The following TYW1 variants were observed in gnomAD, a reference collection of about 807,000 sequenced individuals.
The protein encoded by TYW1 is S-adenosyl-L-methionine-dependent tRNA 4-demethylwyosine synthase TYW1.
TYW1 carries 46 observed loss-of-function variants against 96.2 expected under a neutral mutation model. The observed-to-expected ratio is 0.48, with a 90% CI of 0.38 to 0.61. The LOEUF is 0.61. TYW1 is among the 20% of genes least tolerant of loss of function. TYW1 has a pLI of 0.00. For missense variants in TYW1, 684 were observed against 909.6 expected, an observed-to-expected ratio of 0.75 and a Z score of 3.19; for synonymous variants, 274 against 323.0, an observed-to-expected ratio of 0.85 and a Z score of 1.63.
At chr7:67,005,722 C>A (rs1158460442) in intron 3 of TYW1, among the ~76,000 whole-genome samples, 2 of 152,212 alleles carry the variant, frequency 1.3e-5, no homozygotes, top group Non-Finnish European at 2.9e-5. Flanking sequence ...AACTCAGCAA[C>A]CTCAGTGACT....
intron 9 of TYW1, among the ~76,000 whole-genome samples, chr7:67,065,640 CT>C (rs74272581): frequency 0.074 from 10,570 of 143,444 alleles, 681 homozygotes; most frequent in East Asian, 0.17. Context: ...GACAGGGAAA[CT>C]TTTTTTTTTT....
chr7:67,005,196 A>G (rs999528282), intron 3 of TYW1, among the ~76,000 whole-genome samples: 4 of 151,752 alleles, frequency 2.6e-5, no homozygotes, highest in African/African-American at 9.7e-5. Flanking sequence ...TGCCTTTAAC[A>G]TTTTTTCTTT....
intron 7 of TYW1, among the ~76,000 whole-genome samples, chr7:67,033,698 CT>C (rs576428706): frequency 1.0e-3 from 141 of 141,350 alleles, no homozygotes; most frequent in East Asian, 1.0e-3. Flanking sequence ...CTGGGGGACC[CT>C]TTTTTTTTTT....
chr7:67,121,966 T>C (rs3980758), intron 13 of TYW1, among the ~76,000 whole-genome samples: 11,694 of 108,866 alleles, frequency 0.11, 1,143 homozygotes, highest in African/African-American at 0.19. Flanking sequence ...CTTCAATTTC[T>C]GTCCGCGATA....
chr7:67,158,689 C>A (rs1799063210), intron 13 of TYW1, among the ~76,000 whole-genome samples: 1 of 152,274 alleles, frequency 6.6e-6, no homozygotes, highest in African/African-American at 2.4e-5. Flanking sequence ...CCTGCCTCAG[C>A]CTACCGTGTA....
chr7:67,212,119 G>A (rs1011772420), intron 15 of TYW1, among the ~76,000 whole-genome samples: 26 of 151,868 alleles, frequency 1.7e-4, no homozygotes, highest in Non-Finnish European at 3.1e-4. Context: ...TCCTCTTTTC[G>A]TCCCTCCCGC....
chr7:67,028,831 A>T (rs1162807060), intron 7 of TYW1, among the ~76,000 whole-genome samples: 1 of 152,176 alleles, frequency 6.6e-6, no homozygotes, highest in East Asian at 1.9e-4. Flanking sequence ...CCACAGGCTT[A>T]TGCATTGCAG....
intron 13 of TYW1, among the ~76,000 whole-genome samples, chr7:67,127,190 A>G (rs1226162289): frequency 3.4e-5 from 5 of 145,766 alleles, no homozygotes; most frequent in African/African-American, 1.0e-4. Flanking sequence ...ATCGAGTCTC[A>G]CTCTGTCATC....
At chr7:67,147,791 T>C (rs1317030758) in intron 13 of TYW1, among the ~76,000 whole-genome samples, 4 of 152,118 alleles carry the variant, frequency 2.6e-5, no homozygotes, top group African/African-American at 9.7e-5. Flanking sequence ...TCTCTGCTTA[T>C]AAGGACAAAG....
At chr7:67,093,849 GTTTTA>G (rs937644314) in intron 11 of TYW1, among the ~76,000 whole-genome samples, 12 of 151,890 alleles carry the variant, frequency 7.9e-5, no homozygotes, top group African/African-American at 2.7e-4. Context: ...TGCACTTTGT[GTTTTA>G]TTTTATTTAT....
intron 9 of TYW1, among the ~76,000 whole-genome samples, chr7:67,061,987 G>T (rs1326687539): frequency 6.6e-6 from 1 of 152,168 alleles, no homozygotes; most frequent in African/African-American, 2.4e-5. Flanking sequence ...GCAGTTTTAT[G>T]GAGCAGTGCC....
At chr7:67,027,502 T>A (rs1746119257) in intron 7 of TYW1, among the ~76,000 whole-genome samples, 2 of 152,096 alleles carry the variant, frequency 1.3e-5, no homozygotes, top group South Asian at 2.1e-4. Context: ...AATAAAAAAA[T>A]ATTAAATTTA....
intron 15 of TYW1, among the ~76,000 whole-genome samples, chr7:67,235,744 A>T (rs1263312700): frequency 1.3e-5 from 2 of 152,008 alleles, no homozygotes; most frequent in African/African-American, 4.8e-5. Context: ...ACAAAAAAAA[A>T]TTAGCCAGGT....
chr7:67,025,494 T>C (rs1048867379), intron 7 of TYW1, among the ~76,000 whole-genome samples: 1 of 152,118 alleles, frequency 6.6e-6, no homozygotes, highest in Non-Finnish European at 1.5e-5. Context: ...TCAGGGCTAT[T>C]TGAAGATGAA....
At chr7:67,079,445 G>A (rs1327958956) in intron 10 of TYW1, among the ~76,000 whole-genome samples, 2 of 151,246 alleles carry the variant, frequency 1.3e-5, no homozygotes, top group African/African-American at 2.4e-5. Context: ...TGTGGTATCA[G>A]TAGTAATGTC....
intron 10 of TYW1, among the ~76,000 whole-genome samples, chr7:67,082,591 G>A (rs1160924478): frequency 1.3e-5 from 2 of 152,086 alleles, no homozygotes; most frequent in Non-Finnish European, 2.9e-5. Context: ...TGGGCAGAAT[G>A]GTCCTTGGGC....
chr7:67,208,283 C>A (rs1322283719), intron 15 of TYW1, among the ~76,000 whole-genome samples: 4 of 151,682 alleles, frequency 2.6e-5, no homozygotes, highest in Admixed American at 2.6e-4. Flanking sequence ...ATTGTGCCAC[C>A]GCACCCCAGC....
intron 3 of TYW1, among the ~76,000 whole-genome samples, chr7:67,007,331 G>A (rs2129238682): frequency 6.6e-6 from 1 of 152,210 alleles, no homozygotes; most frequent in East Asian, 1.9e-4. Flanking sequence ...ACTTGCTCAA[G>A]CCTGCTTCCT....
At chr7:67,166,954 G>A (rs1418782191) in intron 13 of TYW1, among the ~76,000 whole-genome samples, 4 of 152,104 alleles carry the variant, frequency 2.6e-5, no homozygotes, top group South Asian at 2.1e-4. Flanking sequence ...ACAATCGCAC[G>A]GCCATATAAG....
Sources: gnomAD v4.1 joint callset for allele counts (sites outside exome capture counted in the v4.1 genomes callset) on GRCh38, gnomAD v4.1.1 for gene constraint, MANE v1.5 for transcripts, NCBI Gene and HGNC (gene_info 2026-07-23, HGNC 2026-07-21) for gene names.